The following RIT2 variants were observed in gnomAD, a reference collection of about 807,000 sequenced individuals.
The protein encoded by RIT2 is Ras like without CAAX 2.
Under a neutral mutation model 23.7 loss-of-function variants are expected in RIT2, and 24 were observed. That is an observed-to-expected ratio of 1.01 (90% CI 0.73 to 1.43). The LOEUF is 1.43. Ranked by LOEUF, RIT2 falls within the 40% of genes most tolerant of loss-of-function variation. The pLI is 0.00. For synonymous variants in RIT2, 107 were observed against 91.1 expected, an observed-to-expected ratio of 1.17 and a Z score of -0.99; for missense variants, 236 against 266.9, an observed-to-expected ratio of 0.88 and a Z score of 0.81.
rs575626530 is a variant in RIT2, at chr18:43,069,069, G to A, written c.104-35202C>T. ...AGACTCAGGAATGTCCTGATATCCC[G>A]AAATCTTGAGAACAGAAGCATTCTT... On this transcript the variant is annotated intron_variant, in intron 1 of 4. Coordinates refer to ENST00000326695, the MANE Select transcript of RIT2 (RefSeq NM_002930.4). Among the ~76,000 whole-genome samples, 4 of 152,128 alleles carry A rather than the reference G, an allele frequency of 2.6e-5. No individual in the cohort carries two copies. The East Asian group carries it at 5.8e-4, about 22-fold the overall frequency.
chr18:42,777,581 A>G (rs1214306018), intron 4 of RIT2, among the ~76,000 whole-genome samples: 1 of 152,192 alleles, frequency 6.6e-6, no homozygotes, highest in Non-Finnish European at 1.5e-5. Flanking sequence ...TGCTGCTGAT[A>G]TGTCAAGTAA....
chr18:42,880,190 CT>C (rs1598696970), intron 4 of RIT2, among the ~76,000 whole-genome samples: 2 of 152,202 alleles, frequency 1.3e-5, no homozygotes, highest in East Asian at 3.9e-4. Context: ...ATTATAGGTT[CT>C]TCTTATACAG....
chr18:42,780,610 T>C (rs1913788848), intron 4 of RIT2, among the ~76,000 whole-genome samples: 1 of 152,182 alleles, frequency 6.6e-6, no homozygotes, highest in African/African-American at 2.4e-5. Context: ...TTTGATTTCC[T>C]TCAGGGCCCA....
chr18:42,931,066 G>A (rs1236784792), intron 3 of RIT2, among the ~76,000 whole-genome samples: 1 of 151,992 alleles, frequency 6.6e-6, no homozygotes, highest in Non-Finnish European at 1.5e-5. Context: ...GTAATTACGT[G>A]TGTTTTACTC....
chr18:43,091,755 C>T (rs147524101), intron 1 of RIT2, among the ~76,000 whole-genome samples: 15 of 152,090 alleles, frequency 9.9e-5, no homozygotes, highest in East Asian at 3.9e-4. Context: ...TTGGATTATG[C>T]GTTATTTAGG....
chr18:43,042,440 G>A (rs1012480000), intron 1 of RIT2, among the ~76,000 whole-genome samples: 12 of 152,136 alleles, frequency 7.9e-5, no homozygotes, highest in Non-Finnish European at 1.8e-4. Context: ...ATACCTTTCA[G>A]TAACACCCTT....
intron 3 of RIT2, among the ~76,000 whole-genome samples, chr18:42,956,903 G>A (rs1361801898): frequency 6.6e-6 from 1 of 152,130 alleles, no homozygotes; most frequent in Non-Finnish European, 1.5e-5. Context: ...CTGGAGAGGA[G>A]TCCATTGGTA....
chr18:42,831,834 G>GTTAATCATAATCACCTGAGTGA, intron 4 of RIT2, among the ~76,000 whole-genome samples: 2 of 152,286 alleles, frequency 1.3e-5, no homozygotes, highest in East Asian at 3.9e-4. Context: ...TAATCATGAA[G>GTTAATCATAATCACCTGAGTGA]TTAATCATAA....
At chr18:42,971,384 G>A (rs1910358418) in intron 3 of RIT2, among the ~76,000 whole-genome samples, 1 of 151,884 alleles carries the variant, frequency 6.6e-6, no homozygotes, top group Admixed American at 6.6e-5. Context: ...TTATTGATAT[G>A]AACATTTAAT....
intron 4 of RIT2, among the ~76,000 whole-genome samples, chr18:42,747,135 T>C (rs763291499): frequency 5.9e-5 from 9 of 152,024 alleles, no homozygotes; most frequent in Non-Finnish European, 1.2e-4. Flanking sequence ...GATGATATAA[T>C]TGTATACCTA....
At chr18:42,764,963 C>T (rs983080786) in intron 4 of RIT2, among the ~76,000 whole-genome samples, 4 of 152,240 alleles carry the variant, frequency 2.6e-5, no homozygotes, top group Admixed American at 6.5e-5. Flanking sequence ...TGAAAAGTCA[C>T]TGTGGCTTAT....
intron 2 of RIT2, among the ~76,000 whole-genome samples, chr18:42,991,880 C>T (rs748349515): frequency 1.4e-4 from 21 of 151,978 alleles, no homozygotes; most frequent in South Asian, 4.1e-4. Context: ...GGACTCAGCC[C>T]GCCTGCGGCC....
intron 4 of RIT2, among the ~76,000 whole-genome samples, chr18:42,830,536 A>C (rs984281603): frequency 1.3e-5 from 2 of 152,186 alleles, no homozygotes; most frequent in Non-Finnish European, 2.9e-5. Context: ...CTGCCCATTC[A>C]ACAGACTTGC....
chr18:42,865,270 G>A (rs1568016165), intron 4 of RIT2, among the ~76,000 whole-genome samples: 1 of 152,128 alleles, frequency 6.6e-6, no homozygotes, highest in Admixed American at 6.5e-5. Context: ...ATGCTATGTT[G>A]GGCCTCAGTC....
In RIT2 at chr18:42,878,565, C is replaced by CTGTGTGTG. The variant is rs71371607; in HGVS notation, c.426+44999_426+45006dup. On this transcript the variant is annotated intron_variant, in intron 4 of 4. Coordinates refer to ENST00000326695, the MANE Select transcript of RIT2 (RefSeq NM_002930.4). Reference sequence around the variant, plus strand: ...AACCCATGTTGTTCAAGATTCAACTCTGTGTGTGTGTGTGTGTGTGTGTGT... The same window carrying CTGTGTGTG: ...AACCCATGTTGTTCAAGATTCAACTCTGTGTGTGTGTGTGTGTGTGTGTGTGTGTGTGT... Among the ~76,000 whole-genome samples, 584 of 147,592 alleles carry CTGTGTGTG rather than the reference C, an allele frequency of 4.0e-3. 3 individuals are homozygous for CTGTGTGTG. Among genetic ancestry groups the CTGTGTGTG allele is most frequent in the African/African-American group, 0.013 (516 of 40,270 alleles).
intron 4 of RIT2, among the ~76,000 whole-genome samples, chr18:42,752,064 T>G (rs577354306): frequency 6.6e-6 from 1 of 151,944 alleles, no homozygotes; most frequent in South Asian, 2.1e-4. Flanking sequence ...TCCAAACATG[T>G]CAAAAAAAAA....
At chr18:42,834,493 T>C (rs1906544691) in intron 4 of RIT2, among the ~76,000 whole-genome samples, 1 of 152,098 alleles carries the variant, frequency 6.6e-6, no homozygotes, top group African/African-American at 2.4e-5. Flanking sequence ...TATTTATACC[T>C]GCAATGATGG....
chr18:43,064,093 A>G (rs1048374965), intron 1 of RIT2, among the ~76,000 whole-genome samples: 2 of 152,200 alleles, frequency 1.3e-5, no homozygotes, highest in African/African-American at 2.4e-5. Flanking sequence ...CATTTATTCA[A>G]TAAGGTCTGA....
chr18:42,974,149 T>C lies in RIT2; in HGVS notation c.161-2A>G, dbSNP rs1234321165. 13 of 1,606,526 alleles carry C rather than the reference T, an allele frequency of 8.1e-6. No homozygotes were observed. The highest frequency in any genetic ancestry group is 1.0e-5 in the Non-Finnish European group (12 of 1,174,272). ...TGACCTGGGTCTTATAAGCATCTTC[T>C]GAAAAACACAAGACAACATTTACAT... On this transcript the variant is annotated splice_acceptor_variant, in intron 2 of 4. Coordinates refer to ENST00000326695, the MANE Select transcript of RIT2 (RefSeq NM_002930.4). LOFTEE classifies it high-confidence loss of function.
Sources: allele counts gnomAD v4.1 joint callset (sites outside exome capture counted in the v4.1 genomes callset), GRCh38; gene constraint gnomAD v4.1.1; transcripts MANE v1.5; gene names NCBI Gene and HGNC (gene_info 2026-07-23, HGNC 2026-07-21).